Variants in CREB5 observed in about 807,000 individuals in gnomAD.
The protein encoded by CREB5 is cAMP responsive element binding protein 5.
A neutral mutation model predicts 57.1 loss-of-function variants in CREB5; 19 were observed. That is an observed-to-expected ratio of 0.33 (90% CI 0.23 to 0.49). CREB5 has a LOEUF of 0.49. Among genes scored for constraint, CREB5 ranks in the 20% least tolerant of loss-of-function variants. The pLI is 0.99. For synonymous variants in CREB5, 238 were observed against 238.3 expected (o/e 1.00, Z 0.01); for missense variants, 579 against 671.6 (o/e 0.86, Z 1.52).
At position 28,333,524 on chromosome 7, in the gene CREB5, A is replaced by C. The variant is rs544686469; in HGVS notation, c.-25+34083A>C. Among the ~76,000 whole-genome samples the C allele has an allele frequency of 2.0e-5, 3 of 152,168 alleles. No individual in the cohort carries two copies. The South Asian group carries it at 6.2e-4, about 32-fold the overall frequency. On this transcript the variant is annotated intron_variant, in intron 1 of 9. Coordinates refer to the CREB5 transcript ENST00000396299. ...TTTACCTTTTTTTTGGTACCCATTA[A>C]CCGTTCTCACTCCATCCACCCACTA...
At chr7:28,814,174 GA>G (rs1809287386) in intron 9 of CREB5, among the ~76,000 whole-genome samples, 1 of 152,212 alleles carries the variant, frequency 6.6e-6, no homozygotes, top group South Asian at 2.1e-4. Flanking sequence ...AATTCAAGGT[GA>G]TTCCACTTAC....
intron 1 of CREB5, among the ~76,000 whole-genome samples, chr7:28,382,195 G>T (rs1386322485): frequency 6.6e-6 from 1 of 152,202 alleles, no homozygotes; most frequent in Non-Finnish European, 1.5e-5. Flanking sequence ...TGCTTCCTCT[G>T]CCTCTGTGTT....
At chr7:28,360,032 T>A (rs973299553) in intron 1 of CREB5, among the ~76,000 whole-genome samples, 4 of 152,218 alleles carry the variant, frequency 2.6e-5, no homozygotes, top group African/African-American at 9.6e-5. Flanking sequence ...AGGTATCATC[T>A]CATACCGGTC....
chr7:28,461,510 T>A (rs1209909268), intron 1 of CREB5, among the ~76,000 whole-genome samples: 1 of 152,174 alleles, frequency 6.6e-6, no homozygotes, highest in East Asian at 1.9e-4. Flanking sequence ...CTGTTGGTAG[T>A]CATAATTTTC....
intron 5 of CREB5, among the ~76,000 whole-genome samples, chr7:28,661,164 C>T (rs1428599457): frequency 6.6e-6 from 1 of 152,148 alleles, no homozygotes; most frequent in Non-Finnish European, 1.5e-5. Context: ...TATTTTTCTT[C>T]CTAGCCCCCA....
intron 1 of CREB5, among the ~76,000 whole-genome samples, chr7:28,405,999 T>C (rs994765345): frequency 6.6e-6 from 1 of 152,120 alleles, no homozygotes; most frequent in African/African-American, 2.4e-5. Context: ...GCCTGGGTGT[T>C]TTTTGCTTAC....
At chr7:28,520,982 T>C (rs1793182293) in intron 4 of CREB5, among the ~76,000 whole-genome samples, 1 of 152,240 alleles carries the variant, frequency 6.6e-6, no homozygotes, top group African/African-American at 2.4e-5. Flanking sequence ...GGTTTTTTTC[T>C]CCTGTGCTCT....
At chr7:28,665,744 A>G (rs973624741) in intron 5 of CREB5, among the ~76,000 whole-genome samples, 1 of 152,124 alleles carries the variant, frequency 6.6e-6, no homozygotes, top group Non-Finnish European at 1.5e-5. Flanking sequence ...GCCATTATTC[A>G]AAGATCACAT....
chr7:28,790,063 T>C (rs1807572170), intron 7 of CREB5, among the ~76,000 whole-genome samples: 1 of 152,238 alleles, frequency 6.6e-6, no homozygotes, highest in Non-Finnish European at 1.5e-5. Context: ...TGTTGGAAAC[T>C]GATTTTAAAA....
rs572360589 is a variant in CREB5, at chr7:28,608,922, TG to T, written c.464+38387del. On this transcript the variant is annotated intron_variant, in intron 5 of 10. Coordinates refer to ENST00000357727, the MANE Select transcript of CREB5 (RefSeq NM_182898.4). ...TTTAACAGGGAGATTTTGCAATTGT[TG>T]GCATAAATATTAACCAGTAGCGATT... The T allele has an allele frequency of 1.3e-4, 20 of 152,318 alleles. No homozygotes were observed. In the East Asian group the frequency reaches 3.7e-3, roughly 28 times the overall value. 9.4% of individuals were successfully genotyped at this position (152,318 alleles called of 1,614,324 possible).
intron 1 of CREB5, among the ~76,000 whole-genome samples, chr7:28,339,974 A>G (rs536442146): frequency 5.3e-5 from 8 of 152,286 alleles, no homozygotes; most frequent in African/African-American, 1.9e-4. Flanking sequence ...TTAAGGCCCA[A>G]GAGCTCTTTA....
chr7:28,542,987 C>T (rs1456464061), intron 4 of CREB5, among the ~76,000 whole-genome samples: 1 of 152,160 alleles, frequency 6.6e-6, no homozygotes, highest in East Asian at 1.9e-4. Context: ...TTATTTTCCT[C>T]ATCATCATAA....
intron 5 of CREB5, among the ~76,000 whole-genome samples, chr7:28,640,335 T>A (rs1798601989): frequency 6.6e-6 from 1 of 152,204 alleles, no homozygotes; most frequent in South Asian, 2.1e-4. Context: ...TTGATTTTGA[T>A]CACACATGAA....
chr7:28,496,301 C>T (rs1383442782), intron 3 of CREB5, among the ~76,000 whole-genome samples: 2 of 152,224 alleles, frequency 1.3e-5, no homozygotes, highest in Non-Finnish European at 2.9e-5. Context: ...ACAAACTGTC[C>T]TGCCAGGCCT....
intron 5 of CREB5, among the ~76,000 whole-genome samples, chr7:28,682,067 C>T (rs1052320505): frequency 2.0e-5 from 3 of 152,180 alleles, no homozygotes; most frequent in African/African-American, 4.8e-5. Context: ...TTGCCACATC[C>T]GTGAATTACA....
Position 28,326,925 on chromosome 7 carries a change from A to G in CREB5, c.-25+27484A>G, listed in dbSNP as rs539690343. 4.6e-5 allele frequency among the ~76,000 whole-genome samples: 7 copies of G among 152,240 alleles called. No individual in the cohort carries two copies. In the East Asian group the frequency reaches 1.2e-3, roughly 25 times the overall value. ...TGGCAGGTAGGTCATGAAGTCAGGC[A>G]GATCACGAGGTCAGGAGTTCAAGAC... On this transcript the variant is annotated intron_variant, in intron 1 of 9. Coordinates refer to the CREB5 transcript ENST00000396299.
intron 7 of CREB5, among the ~76,000 whole-genome samples, chr7:28,748,116 A>C (rs1279308875): frequency 6.6e-6 from 1 of 152,144 alleles, no homozygotes; most frequent in East Asian, 1.9e-4. Flanking sequence ...GACTTAATAG[A>C]CCATGAGTTT....
intron 1 of CREB5, among the ~76,000 whole-genome samples, chr7:28,359,459 C>T (rs988152071): frequency 3.3e-5 from 5 of 152,138 alleles, no homozygotes; most frequent in Admixed American, 1.3e-4. Context: ...ACCAAGAACA[C>T]ACAATGGGGA....
chr7:28,560,899 T>TGCGTGCGTGTGCGC (rs1337535590), intron 4 of CREB5, among the ~76,000 whole-genome samples: 5 of 18,644 alleles, frequency 2.7e-4, no homozygotes, highest in Non-Finnish European at 4.9e-4. Flanking sequence ...TGTGTGTGCG[T>TGCGTGCGTGTGCGC]GCGCGCGTGC....
Sources: allele counts gnomAD v4.1 joint callset (sites outside exome capture counted in the v4.1 genomes callset), GRCh38; gene constraint gnomAD v4.1.1; transcripts MANE v1.5; gene names NCBI Gene and HGNC (gene_info 2026-07-23, HGNC 2026-07-21).